Variants in UGT1A8 observed in about 807,000 individuals in gnomAD.
UGT1A8 encodes UDP-glucuronosyltransferase 1A8.
A neutral mutation model predicts 45.3 loss-of-function variants in UGT1A8; 39 were observed. That is an observed-to-expected ratio of 0.86 (90% CI 0.67 to 1.12). The LOEUF (loss-of-function observed/expected upper bound fraction) is 1.12. Ranked by LOEUF, UGT1A8 falls within the 50% of genes most tolerant of loss-of-function variation. UGT1A8 has a pLI of 0.00. For missense variants in UGT1A8, 719 were observed against 664.9 expected (o/e 1.08, Z -0.90); for synonymous variants, 275 against 249.2 (o/e 1.10, Z -0.97).
At chr2:233,682,476 G>C (rs1043406575) in intron 1 of UGT1A8, 1 of 1,613,894 alleles carries the variant, frequency 6.2e-7, no homozygotes, top group Non-Finnish European at 8.5e-7. Context: ...CTTGAAGAAG[G>C]TGCACAGTGC....
chr2:233,757,560 A>ATGTG (rs199649558), intron 1 of UGT1A8, among the ~76,000 whole-genome samples: 1 of 123,156 alleles, frequency 8.1e-6, no homozygotes, highest in African/African-American at 3.4e-5. Context: ...ATATATATAT[A>ATGTG]TGTATATATG....
At chr2:233,734,411 C>T (rs1003514733) in intron 1 of UGT1A8, among the ~76,000 whole-genome samples, 1 of 152,010 alleles carries the variant, frequency 6.6e-6, no homozygotes, top group Admixed American at 6.6e-5. Context: ...TGATTCTTCT[C>T]TCTTTTCTTC....
At chr2:233,659,757 C>A (rs1189186307) in intron 1 of UGT1A8, among the ~76,000 whole-genome samples, 2 of 152,176 alleles carry the variant, frequency 1.3e-5, no homozygotes, top group South Asian at 4.1e-4. Context: ...TCTTCTTCAC[C>A]ATTTGCTTTA....
intron 1 of UGT1A8, among the ~76,000 whole-genome samples, chr2:233,737,437 T>C (rs980239131): frequency 1.1e-4 from 16 of 152,146 alleles, no homozygotes; most frequent in Admixed American, 3.3e-4. Flanking sequence ...GGTGGGAGTG[T>C]CCCGTTTTTC....
intron 1 of UGT1A8, among the ~76,000 whole-genome samples, chr2:233,717,005 G>A (rs2125651164): frequency 6.6e-6 from 1 of 152,262 alleles, no homozygotes; most frequent in South Asian, 2.1e-4. Context: ...GGGCCCCTAT[G>A]TCTCTGAAGG....
chr2:233,635,274 G>C (rs1456705472), intron 1 of UGT1A8, among the ~76,000 whole-genome samples: 1 of 150,520 alleles, frequency 6.6e-6, no homozygotes, highest in Non-Finnish European at 1.5e-5. Context: ...TGATGATTAT[G>C]TGTCTTGGAG....
chr2:233,763,806 G>A (rs1352583064), intron 1 of UGT1A8, among the ~76,000 whole-genome samples: 14 of 152,218 alleles, frequency 9.2e-5, no homozygotes, highest in Non-Finnish European at 1.8e-4. Context: ...TGAAACTCAA[G>A]AATTCCAAGA....
At chr2:233,730,000 A>G (rs569428615) in intron 1 of UGT1A8, 10 of 1,614,004 alleles carry the variant, frequency 6.2e-6, no homozygotes, top group Admixed American at 3.3e-5. Context: ...TCAGGTCTGT[A>G]TTGGTGCCTT....
At chr2:233,719,054 A>G (rs1258988641) in intron 1 of UGT1A8, 3 of 1,614,260 alleles carry the variant, frequency 1.9e-6, no homozygotes, top group Non-Finnish European at 2.5e-6. Flanking sequence ...TCACCCTGAC[A>G]GCCTATGCTG....
At chr2:233,737,834 G>C (rs1690605119) in intron 1 of UGT1A8, among the ~76,000 whole-genome samples, 1 of 151,982 alleles carries the variant, frequency 6.6e-6, no homozygotes, top group Admixed American at 6.5e-5. Context: ...ATTGGGAACT[G>C]TGGCACAGGT....
intron 1 of UGT1A8, among the ~76,000 whole-genome samples, chr2:233,765,157 C>T (rs1698767071): frequency 6.6e-6 from 1 of 152,114 alleles, no homozygotes; most frequent in African/African-American, 2.4e-5. Context: ...CTAGGGAACC[C>T]CTCAGTTTGG....
chr2:233,716,312 G>A (rs1303311282), intron 1 of UGT1A8, among the ~76,000 whole-genome samples: 1 of 152,118 alleles, frequency 6.6e-6, no homozygotes, highest in African/African-American at 2.4e-5. Flanking sequence ...TCTTCCACCT[G>A]TAATGGAATA....
intron 1 of UGT1A8, among the ~76,000 whole-genome samples, chr2:233,670,192 G>C (rs932063523): frequency 2.0e-4 from 30 of 152,182 alleles, no homozygotes; most frequent in African/African-American, 7.2e-4. Context: ...TCATTAAGTG[G>C]AAGTGGATCA....
chr2:233,710,329 A>C (rs1202722431), intron 1 of UGT1A8, among the ~76,000 whole-genome samples: 1 of 152,250 alleles, frequency 6.6e-6, no homozygotes, highest in Non-Finnish European at 1.5e-5. Flanking sequence ...TGACTTCATA[A>C]GAAACAGTCG....
chr2:233,745,008 A>G (rs552050904), intron 1 of UGT1A8, among the ~76,000 whole-genome samples: 2 of 151,846 alleles, frequency 1.3e-5, no homozygotes, highest in Non-Finnish European at 2.9e-5. Flanking sequence ...TTACCTAATA[A>G]ATGTAAATGC....
intron 1 of UGT1A8, among the ~76,000 whole-genome samples, chr2:233,646,575 A>T (rs1190879494): frequency 6.6e-6 from 1 of 152,208 alleles, no homozygotes; most frequent in Non-Finnish European, 1.5e-5. Flanking sequence ...TCTAAGGTTC[A>T]AAGTTCCACA....
intron 1 of UGT1A8, chr2:233,747,837 C>A: frequency 1.9e-6 from 3 of 1,613,500 alleles, no homozygotes; most frequent in African/African-American, 1.3e-5. Flanking sequence ...GACATTCCTG[C>A]AAAGGGTCAA....
intron 1 of UGT1A8, among the ~76,000 whole-genome samples, chr2:233,673,533 T>A (rs539148752): frequency 6.6e-6 from 1 of 152,162 alleles, no homozygotes; most frequent in African/African-American, 2.4e-5. Context: ...AGGATTTCCA[T>A]GAATTGAGAA....
intron 1 of UGT1A8, among the ~76,000 whole-genome samples, chr2:233,694,695 C>T (rs767071977): frequency 2.6e-4 from 40 of 152,288 alleles, no homozygotes; most frequent in Admixed American, 1.3e-3. Flanking sequence ...AGACCCTTAC[C>T]TCTCTTCTTT....
Sources: allele counts gnomAD v4.1 joint callset (sites outside exome capture counted in the v4.1 genomes callset), GRCh38; gene constraint gnomAD v4.1.1; transcripts MANE v1.5; gene names NCBI Gene and HGNC (gene_info 2026-07-23, HGNC 2026-07-21).